Variants in GNAQ observed in about 807,000 individuals in gnomAD.
GNAQ encodes G protein subunit alpha q.
GNAQ carries 8 observed loss-of-function variants against 43.9 expected under a neutral mutation model. The ratio of observed to expected loss-of-function variants is 0.18; its 90% CI spans 0.11 to 0.33. The LOEUF is 0.33. Ranked by LOEUF, GNAQ falls within the 10% of genes least tolerant of loss-of-function variation. The pLI, the probability that GNAQ is intolerant of heterozygous loss-of-function variation, is 1.00. For missense variants in GNAQ, 158 were observed against 450.8 expected (o/e 0.35, Z 5.88); for synonymous variants, 155 against 170.7 (o/e 0.91, Z 0.71).
At chr9:77,779,477 T>C (rs1826354555) in intron 5 of GNAQ, among the ~76,000 whole-genome samples, 1 of 151,672 alleles carries the variant, frequency 6.6e-6, no homozygotes, top group Admixed American at 6.6e-5. Flanking sequence ...AAAATCGATA[T>C]CTAAATTTCC....
At chr9:77,842,986 T>C (rs1028764685) in intron 2 of GNAQ, among the ~76,000 whole-genome samples, 1 of 152,226 alleles carries the variant, frequency 6.6e-6, no homozygotes, top group African/African-American at 2.4e-5. Context: ...CCTTTTATTT[T>C]GGATATCTGC....
intron 2 of GNAQ, among the ~76,000 whole-genome samples, chr9:77,902,793 G>C (rs1024967195): frequency 6.6e-6 from 1 of 152,320 alleles, no homozygotes; most frequent in East Asian, 1.9e-4. Flanking sequence ...TGGTCCTAGA[G>C]AGTGTGCAAC....
chr9:77,955,232 G>A (rs1165742484), intron 1 of GNAQ, among the ~76,000 whole-genome samples: 3 of 152,038 alleles, frequency 2.0e-5, no homozygotes, highest in Admixed American at 6.6e-5. Context: ...AACCTCTGCC[G>A]CCCAGGTTCA....
rs2378083 is a variant in GNAQ at position 77,776,186 on chromosome 9, G to A, written c.735+18277C>T. ...CCTCCCATCTCCCTTTTCCAGCTCT[G>A]CAATAGCCTAGAAAACCAACAGCTT... On this transcript the variant is annotated intron_variant, in intron 5 of 6. Transcript: ENST00000286548. 2.0e-4 allele frequency among the ~76,000 whole-genome samples: 30 copies of A among 152,254 alleles called. No individual in the cohort carries two copies. In the East Asian group the frequency reaches 5.6e-3, roughly 28 times the overall value.
intron 2 of GNAQ, among the ~76,000 whole-genome samples, chr9:77,883,434 T>C (rs556257725): frequency 5.5e-4 from 83 of 152,026 alleles, no homozygotes; most frequent in Middle Eastern, 3.5e-3. Context: ...CAGTGGTTAC[T>C]TCTGACAGAG....
chr9:77,948,615 G>T (rs529788536), intron 1 of GNAQ, among the ~76,000 whole-genome samples: 1 of 152,316 alleles, frequency 6.6e-6, no homozygotes, highest in Non-Finnish European at 1.5e-5. Context: ...GAGCACAGCA[G>T]AAAGAACGAC....
chr9:77,960,624 C>G (rs553215170), intron 1 of GNAQ, among the ~76,000 whole-genome samples: 1 of 151,990 alleles, frequency 6.6e-6, no homozygotes, highest in Non-Finnish European at 1.5e-5. Context: ...CCAGAGAGGG[C>G]GGAGTCTTTA....
At chr9:77,962,450 G>C (rs1823117410) in intron 1 of GNAQ, among the ~76,000 whole-genome samples, 2 of 152,138 alleles carry the variant, frequency 1.3e-5, no homozygotes, top group South Asian at 4.1e-4. Context: ...CACTTTACAT[G>C]TAAAGACACA....
At chr9:77,825,662 T>C (rs755602321) in intron 2 of GNAQ, among the ~76,000 whole-genome samples, 10 of 152,248 alleles carry the variant, frequency 6.6e-5, no homozygotes, top group Middle Eastern at 6.8e-3. Flanking sequence ...AAGTGAGAAG[T>C]CTGTTTAACT....
At chr9:77,983,641 T>C (rs1405849686) in intron 1 of GNAQ, among the ~76,000 whole-genome samples, 1 of 152,228 alleles carries the variant, frequency 6.6e-6, no homozygotes, top group Non-Finnish European at 1.5e-5. Context: ...AAGGTTCCCC[T>C]TACTGTGGCA....
chr9:77,923,409 G>A (rs1829026453), intron 1 of GNAQ, among the ~76,000 whole-genome samples: 1 of 151,984 alleles, frequency 6.6e-6, no homozygotes, highest in Non-Finnish European at 1.5e-5. Flanking sequence ...GTTACCATAA[G>A]CCTGAAGGTA....
At chr9:77,733,622 C>G (rs542834413) in intron 5 of GNAQ, among the ~76,000 whole-genome samples, 1 of 152,334 alleles carries the variant, frequency 6.6e-6, no homozygotes, top group African/African-American at 2.4e-5. Flanking sequence ...ATCCCCAGCA[C>G]AGGATGTCCT....
chr9:77,794,694 A>AC, intron 4 of GNAQ, 102 bp from the exon 5 acceptor site: 1 of 600,726 alleles, frequency 1.7e-6, no homozygotes, highest in Non-Finnish European at 2.8e-6. Context: ...TATTCTCTTG[A>AC]ATGACGATGA....
chr9:77,997,724 C>T (rs938466772), intron 1 of GNAQ, among the ~76,000 whole-genome samples: 2 of 152,172 alleles, frequency 1.3e-5, no homozygotes, highest in African/African-American at 4.8e-5. Flanking sequence ...CCTAGATCCT[C>T]CCTGGAGGCC....
intron 6 of GNAQ, among the ~76,000 whole-genome samples, chr9:77,724,389 G>T (rs745546698): frequency 6.6e-6 from 1 of 152,098 alleles, no homozygotes; most frequent in Non-Finnish European, 1.5e-5. Context: ...AAGAGACAGG[G>T]TTTTGCCATG....
At chr9:77,816,585 G>T (rs1827020042) in intron 2 of GNAQ, among the ~76,000 whole-genome samples, 1 of 151,972 alleles carries the variant, frequency 6.6e-6, no homozygotes, top group Non-Finnish European at 1.5e-5. Flanking sequence ...TAAGGTTTAT[G>T]GAATGCAATA....
chr9:77,811,142 A>G (rs990922049), intron 3 of GNAQ, among the ~76,000 whole-genome samples: 1 of 152,038 alleles, frequency 6.6e-6, no homozygotes, highest in African/African-American at 2.4e-5. Context: ...CCCTAAATCT[A>G]CTCTGAAGAC....
intron 2 of GNAQ, among the ~76,000 whole-genome samples, chr9:77,873,451 GCA>G (rs1828075344): frequency 1.3e-5 from 2 of 152,188 alleles, no homozygotes; most frequent in Non-Finnish European, 2.9e-5. Flanking sequence ...CCGCATGAAA[GCA>G]TATATAGGAA....
At chr9:77,794,367 A>T in intron 5 of GNAQ, 96 bp downstream of exon 5, 1 of 797,238 alleles carries the variant, frequency 1.3e-6, no homozygotes, top group Admixed American at 2.8e-5. Context: ...GAAAGCAAAG[A>T]AGTAAGTTCA....
Sources: gnomAD v4.1 joint callset for allele counts (sites outside exome capture counted in the v4.1 genomes callset) on GRCh38, gnomAD v4.1.1 for gene constraint, MANE v1.5 for transcripts, NCBI Gene and HGNC (gene_info 2026-07-23, HGNC 2026-07-21) for gene names.